SNX29: variants seen among roughly 807,000 people sequenced by gnomAD.
SNX29 encodes sorting nexin-29.
In SNX29, 78 loss-of-function variants were observed where a neutral mutation model predicts 102.1. The observed-to-expected ratio is 0.76, with a 90% CI of 0.64 to 0.92. The LOEUF is 0.92. SNX29 is among the 40% of genes least tolerant of loss of function. The pLI is 0.00. For synonymous variants in SNX29, 580 were observed against 414.5 expected, an observed-to-expected ratio of 1.40 and a Z score of -4.85; for missense variants, 1,280 against 1,061.7, an observed-to-expected ratio of 1.21 and a Z score of -2.86.
At chr16:12,324,613 G>C (rs2081060603) in intron 15 of SNX29, among the ~76,000 whole-genome samples, 1 of 152,088 alleles carries the variant, frequency 6.6e-6, no homozygotes, top group African/African-American at 2.4e-5. Context: ...AGCAAAACCT[G>C]TTTGCAACCT....
At chr16:12,404,558 TC>T (rs1416821879) in intron 18 of SNX29, among the ~76,000 whole-genome samples, 2 of 152,168 alleles carry the variant, frequency 1.3e-5, no homozygotes, top group Non-Finnish European at 2.9e-5. Context: ...TTTGTTTTAT[TC>T]CCCATGAGCT....
chr16:12,037,115 G>A (rs2057497493), intron 4 of SNX29, among the ~76,000 whole-genome samples: 1 of 152,042 alleles, frequency 6.6e-6, no homozygotes, highest in African/African-American at 2.4e-5. Context: ...TTCTAGAACG[G>A]GGTCGGCACA....
intron 1 of SNX29, among the ~76,000 whole-genome samples, chr16:11,979,969 T>A (rs2055379413): frequency 6.6e-6 from 1 of 152,222 alleles, no homozygotes; most frequent in South Asian, 2.1e-4. Context: ...TAGTGTATTT[T>A]AAAAACTCAG....
chr16:12,428,032 G>A (rs1239575175), intron 18 of SNX29, among the ~76,000 whole-genome samples: 2 of 152,158 alleles, frequency 1.3e-5, no homozygotes, highest in Non-Finnish European at 2.9e-5. Flanking sequence ...ATAATTTGTT[G>A]GATATAAATG....
intron 3 of SNX29, among the ~76,000 whole-genome samples, chr16:12,007,311 C>G (rs2056486811): frequency 6.6e-6 from 1 of 152,144 alleles, no homozygotes; most frequent in Non-Finnish European, 1.5e-5. Context: ...TCAAGACCAG[C>G]CTGGCCAACA....
chr16:12,538,341 C>T (rs756950327), intron 20 of SNX29, among the ~76,000 whole-genome samples: 37 of 152,256 alleles, frequency 2.4e-4, no homozygotes, highest in South Asian at 8.3e-4. Flanking sequence ...AGGATGGTCT[C>T]GGTCTTCCAA....
chr16:12,498,758 A>G (rs2088956730), intron 19 of SNX29, among the ~76,000 whole-genome samples: 1 of 152,266 alleles, frequency 6.6e-6, no homozygotes, highest in African/African-American at 2.4e-5. Flanking sequence ...GCATTAACTT[A>G]TAAACCAAAC....
chr16:12,474,192 C>T (rs146754497), intron 18 of SNX29, among the ~76,000 whole-genome samples: 39 of 152,310 alleles, frequency 2.6e-4, no homozygotes, highest in African/African-American at 8.9e-4. Flanking sequence ...GAGCCCATTA[C>T]TTCAGCTGAA....
chr16:12,046,300 G>T, intron 5 of SNX29, 84 bp from the exon 6 acceptor site: 2 of 1,391,332 alleles, frequency 1.4e-6, no homozygotes, highest in East Asian at 2.4e-5. Context: ...AGATCTTCCA[G>T]GGAGCCGTCT....
chr16:12,170,668 T>C (rs1216732331), intron 13 of SNX29, among the ~76,000 whole-genome samples: 1 of 151,990 alleles, frequency 6.6e-6, no homozygotes, highest in Non-Finnish European at 1.5e-5. Context: ...GCCAGGATTC[T>C]GGTTTAAGTG....
intron 18 of SNX29, among the ~76,000 whole-genome samples, chr16:12,413,019 A>G (rs1040227627): frequency 6.6e-6 from 1 of 152,144 alleles, no homozygotes; most frequent in Non-Finnish European, 1.5e-5. Flanking sequence ...TTATCAGGCA[A>G]GGGCTGGGGA....
chr16:12,327,963 AC>A (rs2081171704), intron 15 of SNX29, among the ~76,000 whole-genome samples: 1 of 152,064 alleles, frequency 6.6e-6, no homozygotes, highest in Non-Finnish European at 1.5e-5. Context: ...GTTGAACCCC[AC>A]CCGGAGACCA....
chr16:12,266,950 A>T (rs1429386339), intron 14 of SNX29, among the ~76,000 whole-genome samples: 3 of 152,022 alleles, frequency 2.0e-5, no homozygotes, highest in South Asian at 2.1e-4. Flanking sequence ...TTTAGTGGAG[A>T]TGGGGTTTTA....
intron 18 of SNX29, among the ~76,000 whole-genome samples, chr16:12,473,459 C>T (rs550041678): frequency 6.6e-6 from 1 of 152,294 alleles, no homozygotes; most frequent in African/African-American, 2.4e-5. Context: ...CTTCTGGTCC[C>T]AGCTACCCAC....
intron 13 of SNX29, among the ~76,000 whole-genome samples, chr16:12,149,064 A>G (rs2055188546): frequency 6.6e-6 from 1 of 152,194 alleles, no homozygotes; most frequent in Non-Finnish European, 1.5e-5. Flanking sequence ...TGCCTGGCAC[A>G]TAATAGAGCT....
chr16:12,544,163 G>C (rs1794312), intron 20 of SNX29, among the ~76,000 whole-genome samples: 3 of 152,136 alleles, frequency 2.0e-5, no homozygotes, highest in Non-Finnish European at 4.4e-5. Flanking sequence ...CTAAGAACAC[G>C]GGATGGGAAT....
chr16:12,263,512 C>T (rs561427642), intron 14 of SNX29, among the ~76,000 whole-genome samples: 1 of 152,098 alleles, frequency 6.6e-6, no homozygotes, highest in Non-Finnish European at 1.5e-5. Flanking sequence ...ACTTGTTGGC[C>T]TGGTTGGGAT....
chr16:12,503,459 T>C (rs2089222443), intron 19 of SNX29, among the ~76,000 whole-genome samples: 1 of 152,140 alleles, frequency 6.6e-6, no homozygotes, highest in East Asian at 1.9e-4. Flanking sequence ...GGCTCCAGGA[T>C]GGGCAGCCCA....
At chr16:12,134,201 G>C (rs2054575372) in intron 13 of SNX29, among the ~76,000 whole-genome samples, 1 of 152,200 alleles carries the variant, frequency 6.6e-6, no homozygotes, top group African/African-American at 2.4e-5. Flanking sequence ...GCAAGTAAAT[G>C]GGTTCTTGAA....
Sources: gnomAD v4.1 joint callset for allele counts (sites outside exome capture counted in the v4.1 genomes callset) on GRCh38, gnomAD v4.1.1 for gene constraint, MANE v1.5 for transcripts, NCBI Gene and HGNC (gene_info 2026-07-23, HGNC 2026-07-21) for gene names.